LYPLAL1: variants seen among roughly 807,000 people sequenced by gnomAD.
LYPLAL1 encodes lysophospholipase like 1, also known as lysophospholipase-like protein 1.
A neutral mutation model predicts 19.7 loss-of-function variants in LYPLAL1; 23 were observed. That is an observed-to-expected ratio of 1.17 (90% CI 0.84 to 1.65). The LOEUF is 1.65. Among genes scored for constraint, LYPLAL1 ranks in the 40% most tolerant of loss-of-function variants. The pLI is 0.00. For missense variants in LYPLAL1, 355 were observed against 279.4 expected, an observed-to-expected ratio of 1.27 and a Z score of -1.93; for synonymous variants, 119 against 96.3, an observed-to-expected ratio of 1.24 and a Z score of -1.38.
chr1:219,278,513 A>G, the LYPLAL1 span, among the ~76,000 whole-genome samples: 8 of 152,330 alleles, frequency 5.3e-5, no homozygotes, highest in Admixed American at 4.6e-4. Flanking sequence ...AACTTGCCCA[A>G]GTACACACAG....
chr1:219,342,045 T>G, the LYPLAL1 span, among the ~76,000 whole-genome samples: 1 of 152,146 alleles, frequency 6.6e-6, no homozygotes, highest in Non-Finnish European at 1.5e-5. Context: ...GCACTTTTTT[T>G]GTAACACAGT....
the LYPLAL1 span, among the ~76,000 whole-genome samples, chr1:219,253,781 G>T: frequency 6.6e-6 from 1 of 151,974 alleles, no homozygotes; most frequent in African/African-American, 2.4e-5. Context: ...TTCTATGAAG[G>T]TCTATCAGAT....
intron 2 of LYPLAL1, among the ~76,000 whole-genome samples, chr1:219,179,687 A>G (rs1216857459): frequency 6.6e-6 from 1 of 152,246 alleles, no homozygotes; most frequent in South Asian, 2.1e-4. Context: ...GATTATCAAG[A>G]AACAATGTTA....
chr1:219,365,934 G>C, the LYPLAL1 span, among the ~76,000 whole-genome samples: 2 of 152,100 alleles, frequency 1.3e-5, no homozygotes, highest in African/African-American at 2.4e-5. Flanking sequence ...TGAGTGTGTT[G>C]ACAATAAAAA....
chr1:219,174,071 C>T (rs1655597909), intron 1 of LYPLAL1, 90 bp downstream of exon 1: 1 of 1,566,560 alleles, frequency 6.4e-7, no homozygotes, highest in African/African-American at 1.4e-5. Context: ...GAGGTGTCGC[C>T]GGGCCCAAAT....
chr1:219,379,441 G>T, the LYPLAL1 span, among the ~76,000 whole-genome samples: 2 of 152,140 alleles, frequency 1.3e-5, no homozygotes, highest in Admixed American at 1.3e-4. Flanking sequence ...TCACTTTTTG[G>T]CAAGACTTCA....
At chr1:219,388,132 A>T in the LYPLAL1 span, among the ~76,000 whole-genome samples, 1 of 152,308 alleles carries the variant, frequency 6.6e-6, no homozygotes, top group Admixed American at 6.5e-5. Flanking sequence ...TACCTTGTCC[A>T]TTTGCTCATG....
chr1:219,214,121 AT>A (rs1037730694), downstream of LYPLAL1, among the ~76,000 whole-genome samples: 194 of 152,118 alleles, frequency 1.3e-3, 2 homozygotes, highest in Admixed American at 3.3e-3. Context: ...TTGTCAAATG[AT>A]TTTTTTGCAA....
the LYPLAL1 span, among the ~76,000 whole-genome samples, chr1:219,304,039 A>T: frequency 1.3e-5 from 2 of 152,220 alleles, no homozygotes; most frequent in African/African-American, 4.8e-5. Context: ...AATATTTACA[A>T]TGATTTACAA....
chr1:219,181,836 T>A (rs1013489627), intron 2 of LYPLAL1, among the ~76,000 whole-genome samples: 1 of 152,182 alleles, frequency 6.6e-6, no homozygotes, highest in Admixed American at 6.5e-5. Context: ...TACTTACTTC[T>A]GTATCCCTAC....
chr1:219,174,268 T>G, intron 1 of LYPLAL1: 35 of 1,298,088 alleles, frequency 2.7e-5, no homozygotes, highest in East Asian at 2.1e-4. Context: ...CACCTCCCCA[T>G]TCCTCGCCCC....
At chr1:219,380,791 C>T in the LYPLAL1 span, among the ~76,000 whole-genome samples, 1 of 152,188 alleles carries the variant, frequency 6.6e-6, no homozygotes. Context: ...AAGTAAATAT[C>T]TTACTCTTTG....
the LYPLAL1 span, among the ~76,000 whole-genome samples, chr1:219,309,691 G>A: frequency 6.6e-6 from 1 of 152,140 alleles, no homozygotes; most frequent in Non-Finnish European, 1.5e-5. Flanking sequence ...TGTAAGAAAT[G>A]CCTTTTGCCT....
chr1:219,287,248 T>C, the LYPLAL1 span, among the ~76,000 whole-genome samples: 32 of 152,284 alleles, frequency 2.1e-4, no homozygotes, highest in African/African-American at 7.7e-4. Context: ...GTCCCGCCAA[T>C]ACGTAAATAA....
the LYPLAL1 span, among the ~76,000 whole-genome samples, chr1:219,399,589 G>A: frequency 6.6e-6 from 1 of 152,246 alleles, no homozygotes; most frequent in African/African-American, 2.4e-5. Flanking sequence ...GAGGGAGCAG[G>A]GGGGTTGGTG....
downstream of LYPLAL1, among the ~76,000 whole-genome samples, chr1:219,213,308 T>C (rs1273570447): frequency 6.6e-6 from 1 of 152,000 alleles, no homozygotes; most frequent in Admixed American, 6.6e-5. Context: ...CAGCATCACA[T>C]AGTCTTAATT....
the LYPLAL1 span, among the ~76,000 whole-genome samples, chr1:219,385,201 T>G: frequency 2.0e-5 from 3 of 152,170 alleles, no homozygotes; most frequent in Non-Finnish European, 4.4e-5. Context: ...ACACCTTCCA[T>G]TGGGCAAAGA....
the LYPLAL1 span, among the ~76,000 whole-genome samples, chr1:219,323,298 G>A: frequency 2.4e-4 from 37 of 152,282 alleles, no homozygotes; most frequent in African/African-American, 8.7e-4. Flanking sequence ...TCATGAAGAG[G>A]AAGAAAAATG....
At chr1:219,318,663 A>G in the LYPLAL1 span, among the ~76,000 whole-genome samples, 2 of 152,212 alleles carry the variant, frequency 1.3e-5, no homozygotes, top group South Asian at 4.1e-4. Context: ...CCTTGGAATT[A>G]AATAAGTAAA....
Sources: gnomAD v4.1 joint callset for allele counts (sites outside exome capture counted in the v4.1 genomes callset) on GRCh38, gnomAD v4.1.1 for gene constraint, MANE v1.5 for transcripts, NCBI Gene and HGNC (gene_info 2026-07-23, HGNC 2026-07-21) for gene names.